CCDC141: variants seen among roughly 807,000 people sequenced by gnomAD.
CCDC141 encodes the protein coiled-coil domain-containing protein 141.
CCDC141 carries 168 observed loss-of-function variants against 181.0 expected under a neutral mutation model. That is an observed-to-expected ratio of 0.93 (90% CI 0.82 to 1.05). The LOEUF (loss-of-function observed/expected upper bound fraction) is 1.05, where lower values mean the gene tolerates loss of function less well. Ranked by LOEUF, CCDC141 falls within the 50% of genes least tolerant of loss-of-function variation. The pLI, the probability that CCDC141 is intolerant of heterozygous loss-of-function variation, is 0.00. For missense variants in CCDC141, 1,902 were observed against 1,788.5 expected, an observed-to-expected ratio of 1.06 and a Z score of -1.14; for synonymous variants, 666 against 642.3, an observed-to-expected ratio of 1.04 and a Z score of -0.56.
intron 5 of CCDC141, among the ~76,000 whole-genome samples, chr2:178,948,794 A>T (rs1299617652): frequency 6.6e-6 from 1 of 152,168 alleles, no homozygotes; most frequent in Non-Finnish European, 1.5e-5. Context: ...TGTTCTCTGC[A>T]CATGGAAGCT....
chr2:178,918,480 G>A (rs1688548665), intron 7 of CCDC141, among the ~76,000 whole-genome samples: 1 of 152,082 alleles, frequency 6.6e-6, no homozygotes, highest in African/African-American at 2.4e-5. Context: ...ACCCTCACGA[G>A]GTTTGTTTGT....
chr2:178,879,286 C>T (rs1686487764), intron 11 of CCDC141, among the ~76,000 whole-genome samples: 1 of 152,210 alleles, frequency 6.6e-6, no homozygotes, highest in Non-Finnish European at 1.5e-5. Context: ...TAGCTTGTAA[C>T]TCCCAAGAGC....
chr2:178,996,086 CTTTTTT>C (rs11356005), intron 2 of CCDC141, among the ~76,000 whole-genome samples: 1 of 137,592 alleles, frequency 7.3e-6, no homozygotes, highest in African/African-American at 2.7e-5. Context: ...TTTTAAAATT[CTTTTTT>C]TTTTTTTTTG....
intron 17 of CCDC141, 54 bp from the exon 18 acceptor site, chr2:178,856,451 C>G: frequency 7.4e-7 from 1 of 1,343,936 alleles, no homozygotes; most frequent in Non-Finnish European, 1.0e-6. Context: ...AAAACAAAGT[C>G]ACTTGCAATA....
At chr2:178,909,370 A>C (rs1688121270) in intron 7 of CCDC141, among the ~76,000 whole-genome samples, 1 of 152,208 alleles carries the variant, frequency 6.6e-6, no homozygotes, top group Non-Finnish European at 1.5e-5. Context: ...AGTAGAAAGG[A>C]GGTAAGTGAT....
At chr2:178,919,161 C>G (rs934118299) in intron 6 of CCDC141, among the ~76,000 whole-genome samples, 1 of 152,124 alleles carries the variant, frequency 6.6e-6, no homozygotes, top group African/African-American at 2.4e-5. Flanking sequence ...ACCGTGCTGG[C>G]ACCCTGATCT....
chr2:179,028,095 G>A (rs921977126), intron 2 of CCDC141, among the ~76,000 whole-genome samples: 1 of 152,088 alleles, frequency 6.6e-6, no homozygotes, highest in African/African-American at 2.4e-5. Context: ...TCCCACCCAG[G>A]ATACCATGAG....
In CCDC141 at chr2:179,013,887, G is replaced by A. The variant is rs549838466; in HGVS notation, c.225+33397C>T. 3.4e-5 allele frequency among the ~76,000 whole-genome samples: 5 copies of A among 146,900 alleles called. No homozygotes were observed. In the East Asian group the frequency reaches 1.1e-3, roughly 31 times the overall value. On this transcript the variant is annotated intron_variant, in intron 2 of 23. Coordinates refer to ENST00000443758, the MANE Select transcript of CCDC141 (RefSeq NM_173648.4). ...GCAGGAGAATGGCGTGAACCTGGGA[G>A]GTGGAACTTGCAGTGAACTGCCAAG...
intron 5 of CCDC141, among the ~76,000 whole-genome samples, chr2:178,953,506 C>T (rs554074512): frequency 4.0e-5 from 6 of 151,880 alleles, no homozygotes; most frequent in African/African-American, 9.7e-5. Context: ...ACTGTTTATC[C>T]AGGAATACTA....
At chr2:179,009,266 G>C (rs1452364695) in intron 2 of CCDC141, among the ~76,000 whole-genome samples, 1 of 152,020 alleles carries the variant, frequency 6.6e-6, no homozygotes, top group Non-Finnish European at 1.5e-5. Flanking sequence ...GGGCTTATTT[G>C]TTTAAATGTC....
At chr2:178,827,183 T>C (rs1202663796), downstream of CCDC141, among the ~76,000 whole-genome samples, 1 of 152,188 alleles carries the variant, frequency 6.6e-6, no homozygotes, top group African/African-American at 2.4e-5. Context: ...ATTAATTTCT[T>C]GTTTCATTCC....
Position 178,901,763 on chromosome 2 carries a change from T to C in CCDC141, c.1265+3566A>G, listed in dbSNP as rs992502791. Among the ~76,000 whole-genome samples, 12 of 151,616 alleles carry C rather than the reference T, an allele frequency of 7.9e-5. 1 individual carries two copies. The highest frequency in any genetic ancestry group is 2.2e-4 in the African/African-American group (9 of 41,366). ...TGTTGGAAGTTCTGGCCAGGGCAAT[T>C]AGGCAGGAGAAGGAAATAAAGGGTA... On this transcript the variant is annotated intron_variant, in intron 8 of 23. Coordinates refer to ENST00000443758, the MANE Select transcript of CCDC141 (RefSeq NM_173648.4).
At chr2:178,815,348 A>G in the CCDC141 span, among the ~76,000 whole-genome samples, 1 of 152,150 alleles carries the variant, frequency 6.6e-6, no homozygotes, top group East Asian at 1.9e-4. Context: ...GCTTATTACC[A>G]TATCTCAGCA....
chr2:179,004,755 G>C (rs2042076803), intron 2 of CCDC141, among the ~76,000 whole-genome samples: 1 of 152,044 alleles, frequency 6.6e-6, no homozygotes. Context: ...TTTTGAGACA[G>C]AGTCTTGCTC....
chr2:178,851,845 A>C (rs1226453203), intron 20 of CCDC141, among the ~76,000 whole-genome samples: 1 of 152,228 alleles, frequency 6.6e-6, no homozygotes, highest in Non-Finnish European at 1.5e-5. Context: ...AGTAGATAAC[A>C]GGTATGCACA....
chr2:178,858,487 A>G (rs1685477293), intron 17 of CCDC141, among the ~76,000 whole-genome samples: 3 of 152,168 alleles, frequency 2.0e-5, no homozygotes, highest in South Asian at 4.1e-4. Context: ...AAACATCTCA[A>G]TAATGAGTTA....
chr2:178,841,477 A>T (rs6433737), intron 22 of CCDC141, among the ~76,000 whole-genome samples: 59,696 of 152,070 alleles, frequency 0.39, 11,902 homozygotes, highest in African/African-American at 0.44. Flanking sequence ...TCTTGGCACT[A>T]CTGCTTTTAT....
intron 8 of CCDC141, among the ~76,000 whole-genome samples, chr2:178,904,269 T>C (rs1687852167): frequency 6.6e-6 from 1 of 152,210 alleles, no homozygotes. Context: ...TTGGCTTTTA[T>C]TGGAAGACCT....
At chr2:178,995,844 C>A (rs1158167116) in intron 2 of CCDC141, among the ~76,000 whole-genome samples, 1 of 152,098 alleles carries the variant, frequency 6.6e-6, no homozygotes, top group African/African-American at 2.4e-5. Context: ...ATATTTGATT[C>A]TTGTGTGACA....
Sources: gnomAD v4.1 joint callset for allele counts (sites outside exome capture counted in the v4.1 genomes callset) on GRCh38, gnomAD v4.1.1 for gene constraint, MANE v1.5 for transcripts, NCBI Gene and HGNC (gene_info 2026-07-23, HGNC 2026-07-21) for gene names.